Variants in PCDHGB4 observed in about 807,000 individuals in gnomAD.
PCDHGB4 encodes the protein protocadherin gamma subfamily B, 4.
Under a neutral mutation model 60.5 loss-of-function variants are expected in PCDHGB4, and 38 were observed. That is an observed-to-expected ratio of 0.63 (90% CI 0.48 to 0.82). The LOEUF is 0.82. PCDHGB4 is among the 40% of genes least tolerant of loss of function. The pLI is 0.00. For synonymous variants in PCDHGB4, 456 were observed against 509.7 expected, an observed-to-expected ratio of 0.89 and a Z score of 1.42; for missense variants, 1,109 against 1,209.6, an observed-to-expected ratio of 0.92 and a Z score of 1.23.
intron 1 of PCDHGB4, among the ~76,000 whole-genome samples, chr5:141,479,914 G>T (rs2099509746): frequency 6.6e-6 from 1 of 152,148 alleles, no homozygotes; most frequent in South Asian, 2.1e-4. Context: ...CTGTTATTTT[G>T]TTACTCAGTG....
Position 141,465,218 on chromosome 5 carries a change from A to G in PCDHGB4, c.2398-29589A>G, listed in dbSNP as rs151158068. ...ATAAAAATATAAGCTTTATTTTTCA[A>G]CATGAGCTCCATCAAGTTCAAGGCA... On this transcript the variant is annotated intron_variant, in intron 1 of 3. Coordinates refer to ENST00000519479, the MANE Select transcript of PCDHGB4 (RefSeq NM_003736.4). Among the ~76,000 whole-genome samples, 591 of 152,288 alleles carry G rather than the reference A, an allele frequency of 3.9e-3. 6 individuals carry two copies. The highest frequency in any genetic ancestry group is 0.011 in the Admixed American group (171 of 15,290).
rs566635689 is a variant in PCDHGB4, at chr5:141,469,738, C to G, written c.2398-25069C>G. ...AGGAATTTATCATAAATACACACCT[C>G]AAAAATTACAAAAATACATATATAC... is the stretch of plus-strand genomic sequence containing the variant. On this transcript the variant is annotated intron_variant, in intron 1 of 3. Transcript: ENST00000519479. 6.7e-4 allele frequency among the ~76,000 whole-genome samples: 102 copies of G among 152,292 alleles called. 2 individuals are homozygous for G. Among genetic ancestry groups the G allele is most frequent in the African/African-American group, 2.4e-3 (99 of 41,552 alleles).
At chr5:141,435,665 A>C (rs1029846055) in intron 1 of PCDHGB4, among the ~76,000 whole-genome samples, 2 of 152,206 alleles carry the variant, frequency 1.3e-5, no homozygotes, top group African/African-American at 4.8e-5. Flanking sequence ...CACAGATTCC[A>C]AGTGTTTTCT....
chr5:141,431,150 CCTTA>C lies in PCDHGB4; in HGVS notation c.2397+40873_2397+40876del, dbSNP rs1302288904. ...AGTAAGGGACATTAACGACAATGCG[CCTTA>C]CTTTCGTGAAAGTGAATTAGAAATA... On this transcript the variant is annotated intron_variant, in intron 1 of 3. Coordinates refer to ENST00000519479, the MANE Select transcript of PCDHGB4 (RefSeq NM_003736.4). The surrounding 1 kb of genome is among the most constrained non-coding windows in gnomAD (Gnocchi z 4.8). 3 of 1,614,226 alleles carry C rather than the reference CCTTA, an allele frequency of 1.9e-6. No individual in the cohort carries two copies. The highest frequency in any genetic ancestry group is 2.2e-5 in the East Asian group (1 of 44,876).
chr5:141,432,715 C>T lies in PCDHGB4; in HGVS notation c.2397+42434C>T. 1 of 1,613,996 alleles carries T rather than the reference C, an allele frequency of 6.2e-7. No individual in the cohort carries two copies. The highest frequency in any genetic ancestry group is 8.5e-7 in the Non-Finnish European group (1 of 1,179,970). ...TGGCCGTCCAGGACCACGGCCAGCC[C>T]CCTCTCTCCGCCACTGTCACGCTCA... On this transcript the variant is annotated intron_variant, in intron 1 of 3. Transcript: ENST00000519479. This position sits in a 1 kb window ranked among gnomAD's most constrained non-coding sequence, Gnocchi z 6.0.
intron 1 of PCDHGB4, among the ~76,000 whole-genome samples, chr5:141,437,514 C>G (rs2097891371): frequency 6.6e-6 from 1 of 152,114 alleles, no homozygotes; most frequent in South Asian, 2.1e-4. Flanking sequence ...AATTATAAGG[C>G]TGATGACAAA....
chr5:141,477,175 A>T lies in PCDHGB4; in HGVS notation c.2398-17632A>T, dbSNP rs1338347224. On this transcript the variant is annotated intron_variant, in intron 1 of 3. Transcript: ENST00000519479. This position sits in a 1 kb window ranked among gnomAD's most constrained non-coding sequence, Gnocchi z 4.9. ...TGAATGACAACGCCCCGGAGATCAC[A>T]GTCACCTCCGTGTACAGCCCAGTAC... is the stretch of plus-strand genomic sequence containing the variant. The T allele has an allele frequency of 1.2e-6, 2 of 1,614,186 alleles. No individual in the cohort carries two copies. The highest frequency in any genetic ancestry group is 3.3e-5 in the Admixed American group (2 of 60,028).
rs187164796 is a variant in PCDHGB4, at chr5:141,398,527, A to C, written c.2397+8246A>C. On this transcript the variant is annotated intron_variant, in intron 1 of 3. Transcript: ENST00000519479. ...CATTAATGACCACACGCCAAAATTC[A>C]CGCAAAATTCCTTTGAGCTGCAAAT... 1.8e-3 allele frequency: 2,980 copies of C among 1,613,696 alleles called. 47 individuals are homozygous for C. The African/African-American group carries it at 0.033, about 18-fold the overall frequency.
At position 141,485,811 on chromosome 5, in the gene PCDHGB4, C is replaced by T; in HGVS notation, c.2398-8996C>T. 6.2e-7 allele frequency: 1 copy of T among 1,614,220 alleles called. No homozygotes were observed. The highest frequency in any genetic ancestry group is 8.5e-7 in the Non-Finnish European group (1 of 1,180,028). ...CAATCGGACTACCGCCTGGTGCTGA[C>T]TGCTGTCGATGGAGGGAACCCGCCG... On this transcript the variant is annotated intron_variant, in intron 1 of 3. Transcript: ENST00000519479. This position sits in a 1 kb window ranked among gnomAD's most constrained non-coding sequence, Gnocchi z 5.7.
chr5:141,393,690 C>T (rs779487285), intron 1 of PCDHGB4: 4 of 1,613,752 alleles, frequency 2.5e-6, no homozygotes, highest in Non-Finnish European at 2.5e-6. Context: ...TCCGTTATTC[C>T]AGCTTAATGA....
In PCDHGB4 at chr5:141,487,917, CTACAGTGCACAGGG is replaced by C; in HGVS notation, c.2398-6879_2398-6866del. On this transcript the variant is annotated intron_variant, in intron 1 of 3. Coordinates refer to ENST00000519479, the MANE Select transcript of PCDHGB4 (RefSeq NM_003736.4). The surrounding 1 kb of genome is among the most constrained non-coding windows in gnomAD (Gnocchi z 5.0). ...TGATGGAATGTGGGAGCACAGGAGG[CTACAGTGCACAGGG>C]TACAGTGCACCAGGCAGTCACTTGG... 1 of 647,994 alleles carries C rather than the reference CTACAGTGCACAGGG, an allele frequency of 1.5e-6. No homozygotes were observed. The highest frequency in any genetic ancestry group is 2.7e-6 in the Non-Finnish European group (1 of 377,182). 40.1% of individuals were successfully genotyped at this position (647,994 alleles called of 1,614,324 possible).
intron 1 of PCDHGB4, chr5:141,441,809 C>A: frequency 2.7e-6 from 1 of 373,176 alleles, no homozygotes; most frequent in East Asian, 9.0e-5. Context: ...GGGTGCTGTA[C>A]CCCAGCTCTG....
intron 2 of PCDHGB4, among the ~76,000 whole-genome samples, chr5:141,500,125 T>C (rs1367341826): frequency 2.0e-5 from 3 of 151,970 alleles, no homozygotes; most frequent in African/African-American, 4.8e-5. Flanking sequence ...CCTTTTCATA[T>C]ATATCTTTCT....
intron 1 of PCDHGB4, chr5:141,422,258 A>G (rs2096637047): frequency 6.4e-7 from 1 of 1,565,282 alleles, no homozygotes; most frequent in East Asian, 2.2e-5. Flanking sequence ...GTGAATGATA[A>G]CGCTCCAGAA....
chr5:141,452,791 C>T (rs1202677389), intron 1 of PCDHGB4, among the ~76,000 whole-genome samples: 2 of 152,156 alleles, frequency 1.3e-5, no homozygotes, highest in Non-Finnish European at 2.9e-5. Context: ...AACATACCAT[C>T]ATTTTTGCTG....
chr5:141,503,598 CAAA>C (rs765754054), intron 2 of PCDHGB4, among the ~76,000 whole-genome samples: 9 of 65,742 alleles, frequency 1.4e-4, no homozygotes, highest in Admixed American at 3.4e-4. Context: ...GACTCCAGCT[CAAA>C]AAAAAAAAAA....
chr5:141,399,890 T>A, intron 1 of PCDHGB4: 1 of 1,612,638 alleles, frequency 6.2e-7, no homozygotes, highest in South Asian at 1.1e-5. Context: ...ACCAAGGTAG[T>A]GGCCGTGGAC....
chr5:141,430,399 T>C (rs2097282187), intron 1 of PCDHGB4, among the ~76,000 whole-genome samples: 1 of 150,106 alleles, frequency 6.7e-6, no homozygotes, highest in African/African-American at 2.4e-5. Flanking sequence ...AAAAAAAAGC[T>C]CACTAAAGTT....
chr5:141,407,798 A>T (rs2094982737), intron 1 of PCDHGB4, among the ~76,000 whole-genome samples: 1 of 152,256 alleles, frequency 6.6e-6, no homozygotes, highest in Non-Finnish European at 1.5e-5. Context: ...AACACAAAGC[A>T]TAGAAATATC....
Sources: gnomAD v4.1 joint callset for allele counts (sites outside exome capture counted in the v4.1 genomes callset) on GRCh38, gnomAD v4.1.1 for gene constraint, Gnocchi (gnomAD v3.1) non-coding constraint, MANE v1.5 for transcripts, NCBI Gene and HGNC (gene_info 2026-07-23, HGNC 2026-07-21) for gene names.